NEGR1: variants seen among roughly 807,000 people sequenced by gnomAD.
NEGR1 encodes neuronal growth regulator 1.
In NEGR1, 10 loss-of-function variants were observed where a neutral mutation model predicts 40.9. The ratio of observed to expected loss-of-function variants is 0.24; its 90% CI spans 0.15 to 0.42. The LOEUF (loss-of-function observed/expected upper bound fraction) is 0.42, where lower values mean the gene tolerates loss of function less well. NEGR1 is among the 10% of genes least tolerant of loss of function. The pLI, the probability that NEGR1 is intolerant of heterozygous loss-of-function variation, is 1.00. For synonymous variants in NEGR1, 185 were observed against 166.8 expected, an observed-to-expected ratio of 1.11 and a Z score of -0.84; for missense variants, 352 against 438.9, an observed-to-expected ratio of 0.80 and a Z score of 1.77.
At chr1:71,864,014 C>T (rs1660038289) in intron 2 of NEGR1, among the ~76,000 whole-genome samples, 1 of 152,132 alleles carries the variant, frequency 6.6e-6, no homozygotes, top group Admixed American at 6.6e-5. Context: ...TGCCCAAAGT[C>T]ACACATCAGA....
chr1:72,190,634 T>G (rs1652787275), intron 1 of NEGR1, among the ~76,000 whole-genome samples: 1 of 151,640 alleles, frequency 6.6e-6, no homozygotes, highest in African/African-American at 2.4e-5. Flanking sequence ...ATTTTGTTTC[T>G]ATTTATTAAT....
At chr1:71,912,649 G>A (rs762356230) in intron 2 of NEGR1, among the ~76,000 whole-genome samples, 6 of 152,122 alleles carry the variant, frequency 3.9e-5, no homozygotes, top group Non-Finnish European at 8.8e-5. Flanking sequence ...CTTAATTTGA[G>A]TCCCTTTTAT....
chr1:71,771,018 AC>A (rs1448919429), intron 3 of NEGR1, among the ~76,000 whole-genome samples: 26 of 152,326 alleles, frequency 1.7e-4, no homozygotes, highest in African/African-American at 6.3e-4. Context: ...TTATTGTGGC[AC>A]TATTCACAAT....
chr1:71,961,352 G>C (rs1458339879), intron 1 of NEGR1, among the ~76,000 whole-genome samples: 1 of 152,140 alleles, frequency 6.6e-6, no homozygotes, highest in Admixed American at 6.6e-5. Flanking sequence ...GGGCTGCAAA[G>C]TAAAATTCTA....
rs1653113811 is a variant in NEGR1, at chr1:71,688,328, A to ATAT, written c.667+9679_667+9680insATA. 2.3e-5 allele frequency among the ~76,000 whole-genome samples: 2 copies of ATAT among 87,468 alleles called. 1 individual carries two copies. Among genetic ancestry groups the ATAT allele is most frequent in the Non-Finnish European group, 4.7e-5 (2 of 42,978 alleles). The allele number at this position is 87,468 out of a possible 152,430, so 57.4% of individuals were successfully genotyped here. ...CCTTTTCATATATATATATATATAT[A>ATAT]GATAGATAGATAGATAGATAGATAG... is the stretch of plus-strand genomic sequence containing the variant. On this transcript the variant is annotated intron_variant, in intron 4 of 6. Transcript: ENST00000357731.
chr1:72,221,901 G>A (rs926286515), intron 1 of NEGR1, among the ~76,000 whole-genome samples: 1 of 152,092 alleles, frequency 6.6e-6, no homozygotes, highest in Non-Finnish European at 1.5e-5. Context: ...TCAAGCTTCA[G>A]GCTGCTCCAA....
intron 1 of NEGR1, among the ~76,000 whole-genome samples, chr1:72,190,499 T>A (rs907671155): frequency 6.6e-6 from 1 of 151,590 alleles, no homozygotes; most frequent in African/African-American, 2.4e-5. Flanking sequence ...AATGGAGATA[T>A]TTAATTTTAA....
At chr1:71,975,174 A>G (rs1408328675) in intron 1 of NEGR1, among the ~76,000 whole-genome samples, 1 of 152,226 alleles carries the variant, frequency 6.6e-6, no homozygotes, top group East Asian at 1.9e-4. Context: ...TCCTATGGTA[A>G]GGTAGAATAT....
intron 1 of NEGR1, among the ~76,000 whole-genome samples, chr1:72,146,740 AG>A (rs1650924718): frequency 6.6e-6 from 1 of 152,220 alleles, no homozygotes; most frequent in South Asian, 2.1e-4. Flanking sequence ...TCAGGTCTTA[AG>A]TATGTTGAAT....
intron 6 of NEGR1, among the ~76,000 whole-genome samples, chr1:71,491,891 A>G (rs1022277168): frequency 6.6e-5 from 10 of 152,086 alleles, no homozygotes; most frequent in Non-Finnish European, 1.5e-4. Context: ...TATATGCTGA[A>G]ACCTAATCAC....
intron 2 of NEGR1, among the ~76,000 whole-genome samples, chr1:71,782,622 C>G (rs2101725537): frequency 6.6e-6 from 1 of 152,272 alleles, no homozygotes; most frequent in East Asian, 1.9e-4. Context: ...GGGCCTGACA[C>G]ATACAGGTTA....
intron 1 of NEGR1, among the ~76,000 whole-genome samples, chr1:72,269,769 C>CTA: frequency 6.6e-6 from 1 of 150,964 alleles, no homozygotes; most frequent in Non-Finnish European, 1.5e-5. Context: ...TTCAGAATAT[C>CTA]TATAGTAGTT....
chr1:72,057,303 C>A (rs551909855), intron 1 of NEGR1, among the ~76,000 whole-genome samples: 1 of 151,496 alleles, frequency 6.6e-6, no homozygotes, highest in Non-Finnish European at 1.5e-5. Flanking sequence ...TAAATCCAAA[C>A]TTAATTTTTT....
At chr1:71,785,935 T>C (rs2101729505) in intron 2 of NEGR1, among the ~76,000 whole-genome samples, 1 of 152,314 alleles carries the variant, frequency 6.6e-6, no homozygotes. Flanking sequence ...TTTAGCAGAT[T>C]TTTATATCTA....
intron 6 of NEGR1, among the ~76,000 whole-genome samples, chr1:71,472,256 A>T (rs902903125): frequency 6.6e-6 from 1 of 152,142 alleles, no homozygotes; most frequent in Admixed American, 6.6e-5. Flanking sequence ...TGAAATAGAA[A>T]TATGTCTACT....
At chr1:72,048,372 C>T (rs1401134499) in intron 1 of NEGR1, among the ~76,000 whole-genome samples, 2 of 151,754 alleles carry the variant, frequency 1.3e-5, no homozygotes, top group East Asian at 3.9e-4. Flanking sequence ...AAATAAATTG[C>T]TTAACAGTAC....
intron 2 of NEGR1, among the ~76,000 whole-genome samples, chr1:71,839,302 C>T (rs1570417067): frequency 1.4e-5 from 2 of 144,630 alleles, no homozygotes; most frequent in Non-Finnish European, 3.0e-5. Flanking sequence ...CTCCTGGGTT[C>T]AAGTAATTCT....
chr1:72,039,595 C>G (rs1364850924), intron 1 of NEGR1, among the ~76,000 whole-genome samples: 1 of 151,884 alleles, frequency 6.6e-6, no homozygotes, highest in East Asian at 1.9e-4. Flanking sequence ...TTTCCCGATA[C>G]CAACTCAATA....
At chr1:72,144,930 A>C (rs941001550) in intron 1 of NEGR1, among the ~76,000 whole-genome samples, 1 of 152,096 alleles carries the variant, frequency 6.6e-6, no homozygotes, top group African/African-American at 2.4e-5. Flanking sequence ...ATAGATATGC[A>C]ACTCAGTCTC....
Sources: allele counts gnomAD v4.1 joint callset (sites outside exome capture counted in the v4.1 genomes callset), GRCh38; gene constraint gnomAD v4.1.1; transcripts MANE v1.5; gene names NCBI Gene and HGNC (gene_info 2026-07-23, HGNC 2026-07-21).